SMAP1: variants seen among roughly 807,000 people sequenced by gnomAD.
SMAP1 encodes the protein small ArfGAP 1.
SMAP1 carries 24 observed loss-of-function variants against 58.5 expected under a neutral mutation model. That is an observed-to-expected ratio of 0.41 (90% confidence interval 0.30 to 0.58). SMAP1 has a LOEUF of 0.58. Among genes scored for constraint, SMAP1 ranks in the 20% least tolerant of loss-of-function variants. The pLI is 0.29. For missense variants in SMAP1, 563 were observed against 566.3 expected, an observed-to-expected ratio of 0.99 and a Z score of 0.06; for synonymous variants, 216 against 196.6, an observed-to-expected ratio of 1.10 and a Z score of -0.82.
At chr6:70,727,599 T>A (rs545629797) in intron 1 of SMAP1, among the ~76,000 whole-genome samples, 2 of 152,350 alleles carry the variant, frequency 1.3e-5, no homozygotes, top group East Asian at 3.9e-4. Context: ...AATACTTCGG[T>A]CAAAATAAAC....
intron 1 of SMAP1, among the ~76,000 whole-genome samples, chr6:70,695,657 T>C (rs1365697756): frequency 6.6e-6 from 1 of 152,240 alleles, no homozygotes; most frequent in African/African-American, 2.4e-5. Flanking sequence ...ATGAATGAAC[T>C]TTTTAATATG....
chr6:70,820,411 A>C (rs921863881), intron 6 of SMAP1, among the ~76,000 whole-genome samples: 2 of 152,194 alleles, frequency 1.3e-5, no homozygotes, highest in Non-Finnish European at 2.9e-5. Flanking sequence ...GAGAAATATT[A>C]TGAAAACTTT....
At chr6:70,836,222 A>G (rs1022049071) in intron 6 of SMAP1, among the ~76,000 whole-genome samples, 1 of 152,220 alleles carries the variant, frequency 6.6e-6, no homozygotes, top group African/African-American at 2.4e-5. Context: ...TCTCAGTTCC[A>G]TGTGGCTGGG....
chr6:70,681,146 T>C (rs1298920835), intron 1 of SMAP1, among the ~76,000 whole-genome samples: 10 of 151,310 alleles, frequency 6.6e-5, no homozygotes, highest in Non-Finnish European at 1.0e-4. Context: ...AGGCTAGGAA[T>C]GGTGGCTCAC....
chr6:70,758,471 GTAAC>G (rs1766607547), intron 3 of SMAP1, among the ~76,000 whole-genome samples: 2 of 151,742 alleles, frequency 1.3e-5, no homozygotes, highest in Admixed American at 6.6e-5. Flanking sequence ...GTATACATAT[GTAAC>G]TAACCTGCAC....
chr6:70,852,695 C>A, intron 8 of SMAP1, 31 bp downstream of exon 8: 1 of 1,505,672 alleles, frequency 6.6e-7, no homozygotes. Context: ...TTTATATGGT[C>A]ACTGCTTATT....
At chr6:70,712,797 CTTT>C (rs576020234) in intron 1 of SMAP1, among the ~76,000 whole-genome samples, 3 of 123,544 alleles carry the variant, frequency 2.4e-5, no homozygotes. Flanking sequence ...TTTTTCTTTT[CTTT>C]TTTTTTTTTT....
intron 6 of SMAP1, among the ~76,000 whole-genome samples, chr6:70,820,983 G>T (rs1296940294): frequency 6.6e-6 from 1 of 152,104 alleles, no homozygotes; most frequent in African/African-American, 2.4e-5. Flanking sequence ...TTTAGACCTT[G>T]TAAAGTCTAA....
intron 1 of SMAP1, among the ~76,000 whole-genome samples, chr6:70,712,040 C>G (rs1768077293): frequency 6.6e-6 from 1 of 152,176 alleles, no homozygotes; most frequent in African/African-American, 2.4e-5. Context: ...GTTTCTCCCC[C>G]ACAGATTATT....
At chr6:70,743,162 C>T (rs1339574546) in intron 2 of SMAP1, among the ~76,000 whole-genome samples, 1 of 152,072 alleles carries the variant, frequency 6.6e-6, no homozygotes, top group Non-Finnish European at 1.5e-5. Flanking sequence ...TTTCTCAGAT[C>T]CATTGGACTC....
At position 70,837,007 on chromosome 6, in the gene SMAP1, A is replaced by G. The variant is rs1435183224; in HGVS notation, c.643A>G (p.Thr215Ala). The G allele has an allele frequency of 1.9e-6, 3 of 1,597,524 alleles. No homozygotes were observed. The highest frequency in any genetic ancestry group is 1.7e-6 in the Non-Finnish European group (2 of 1,172,666). ...CAGCCCTAAAAAAGCTGCGGAGCCC[A>G]CTGTGGATCTTTTAGGACTTGGTAA... ...STSPKKAAEP[T>A]VDLLGLDGPA... Residue 215 changes from threonine (T) to alanine (A), a missense_variant, in exon 7 of 11, where the codon ACT (threonine) becomes GCT (alanine). Transcript: ENST00000370455.
intron 4 of SMAP1, among the ~76,000 whole-genome samples, chr6:70,774,037 C>T (rs1446841189): frequency 1.3e-5 from 2 of 152,162 alleles, no homozygotes; most frequent in Non-Finnish European, 2.9e-5. Flanking sequence ...TACACAGATA[C>T]TTACCATTGT....
chr6:70,837,879 T>C, intron 7 of SMAP1: 2 of 1,222,286 alleles, frequency 1.6e-6, no homozygotes, highest in Non-Finnish European at 2.1e-6. Context: ...ATCCTAGTTG[T>C]TATTGAATAA....
At chr6:70,820,690 G>T (rs1262352495) in intron 6 of SMAP1, among the ~76,000 whole-genome samples, 1 of 150,932 alleles carries the variant, frequency 6.6e-6, no homozygotes, top group Non-Finnish European at 1.5e-5. Context: ...TGGGCTAAGA[G>T]TGAGACTCCA....
chr6:70,859,522 TAAG>T (rs1173687308), intron 10 of SMAP1: 3 of 714,344 alleles, frequency 4.2e-6, no homozygotes, highest in Non-Finnish European at 6.8e-6. Context: ...TGTATTAAAT[TAAG>T]AACACAGTCT....
intron 3 of SMAP1, among the ~76,000 whole-genome samples, chr6:70,757,815 A>G (rs1410401673): frequency 6.6e-6 from 1 of 152,210 alleles, no homozygotes; most frequent in Non-Finnish European, 1.5e-5. Context: ...CAAAACCACA[A>G]TGAGATACCA....
chr6:70,802,162 C>T (rs560054737), intron 6 of SMAP1, among the ~76,000 whole-genome samples: 1 of 152,274 alleles, frequency 6.6e-6, no homozygotes, highest in South Asian at 2.1e-4. Flanking sequence ...GAATGTTCTT[C>T]CATTTGTTTG....
chr6:70,855,420 A>G (rs768305005), intron 8 of SMAP1, among the ~76,000 whole-genome samples: 1 of 152,200 alleles, frequency 6.6e-6, no homozygotes, highest in Non-Finnish European at 1.5e-5. Flanking sequence ...CTGCTCTACT[A>G]TGAGAGTGGA....
chr6:70,737,206 A>G (rs1353893398), intron 2 of SMAP1, among the ~76,000 whole-genome samples: 3 of 152,180 alleles, frequency 2.0e-5, no homozygotes, highest in Non-Finnish European at 4.4e-5. Flanking sequence ...CAGTGGCACA[A>G]TCTCATCTCA....
Sources: gnomAD v4.1 joint callset for allele counts (sites outside exome capture counted in the v4.1 genomes callset) on GRCh38, gnomAD v4.1.1 for gene constraint, MANE v1.5 for transcripts, NCBI Gene and HGNC (gene_info 2026-07-23, HGNC 2026-07-21) for gene names.